Variants in SNTG1 observed in about 807,000 individuals in gnomAD.
The protein encoded by SNTG1 is syntrophin gamma 1, also known as gamma-1-syntrophin.
In SNTG1, 39 loss-of-function variants were observed where a neutral mutation model predicts 74.7. The ratio of observed to expected loss-of-function variants is 0.52; its 90% CI spans 0.40 to 0.68. The LOEUF (loss-of-function observed/expected upper bound fraction) is 0.68, where lower values mean the gene tolerates loss of function less well. Ranked by LOEUF, SNTG1 falls within the 30% of genes least tolerant of loss-of-function variation. SNTG1 has a pLI of 0.00. For missense variants in SNTG1, 685 were observed against 609.5 expected (o/e 1.12, Z -1.30); for synonymous variants, 254 against 217.1 (o/e 1.17, Z -1.49).
rs1372330048 is a variant in SNTG1 at position 50,125,410 on chromosome 8, C to T, written c.-102-47151C>T. 1.4e-5 allele frequency among the ~76,000 whole-genome samples: 2 copies of T among 141,934 alleles called. 1 individual carries two copies. The highest frequency in any genetic ancestry group is 3.1e-5 in the Non-Finnish European group (2 of 63,666). 93.1% of individuals were successfully genotyped at this position (141,934 alleles called of 152,430 possible). ...AATTGAAGAAGATGGTTAATTTTGT[C>T]CAATACCATTTTTGTTTGTTTCTTT... is the stretch of plus-strand genomic sequence containing the variant. On this transcript the variant is annotated intron_variant, in intron 1 of 18. Transcript: ENST00000642720.
At chr8:50,695,494 A>ATTTG (rs1356971917) in intron 15 of SNTG1, among the ~76,000 whole-genome samples, 1 of 151,262 alleles carries the variant, frequency 6.6e-6, no homozygotes, top group Non-Finnish European at 1.5e-5. Flanking sequence ...TTTCTTATTT[A>ATTTG]TTTATTTATT....
chr8:50,254,533 T>C (rs975068939), intron 2 of SNTG1, among the ~76,000 whole-genome samples: 4 of 152,122 alleles, frequency 2.6e-5, no homozygotes, highest in African/African-American at 7.2e-5. Context: ...GACTAAAAGA[T>C]ACTGAGTGAG....
intron 2 of SNTG1, among the ~76,000 whole-genome samples, chr8:50,265,234 C>A (rs1173365693): frequency 1.3e-5 from 2 of 151,926 alleles, no homozygotes; most frequent in African/African-American, 4.8e-5. Context: ...ATTTGCAAAA[C>A]AGCACCAGAA....
intron 1 of SNTG1, among the ~76,000 whole-genome samples, chr8:50,026,378 A>G (rs1475315258): frequency 6.6e-6 from 1 of 152,188 alleles, no homozygotes; most frequent in East Asian, 1.9e-4. Flanking sequence ...ACAAGAGCCT[A>G]ATGTATTTTT....
intron 12 of SNTG1, among the ~76,000 whole-genome samples, chr8:50,577,729 T>C (rs1329463433): frequency 6.6e-6 from 1 of 152,242 alleles, no homozygotes; most frequent in African/African-American, 2.4e-5. Context: ...CAGGAAAATA[T>C]ACTAACTTGA....
chr8:50,554,598 A>T (rs190921429), intron 12 of SNTG1, among the ~76,000 whole-genome samples: 7 of 150,840 alleles, frequency 4.6e-5, no homozygotes, highest in South Asian at 2.1e-4. Flanking sequence ...GTGAGCTCTC[A>T]CTCCCAACCC....
At chr8:50,548,228 T>A (rs968775725) in intron 11 of SNTG1, among the ~76,000 whole-genome samples, 14 of 152,148 alleles carry the variant, frequency 9.2e-5, no homozygotes, top group African/African-American at 3.4e-4. Context: ...GAGGTCACAG[T>A]GACAGGAAAT....
chr8:50,101,083 C>A (rs1034051074), intron 1 of SNTG1, among the ~76,000 whole-genome samples: 3 of 152,110 alleles, frequency 2.0e-5, no homozygotes, highest in African/African-American at 7.2e-5. Context: ...CCTCCAGTTC[C>A]ATCTATGTTG....
intron 12 of SNTG1, among the ~76,000 whole-genome samples, chr8:50,586,267 T>G (rs1018326559): frequency 1.3e-5 from 2 of 152,210 alleles, no homozygotes; most frequent in African/African-American, 4.8e-5. Flanking sequence ...TCCTGTCAAT[T>G]TTTCCAACAA....
chr8:49,955,131 T>G (rs1485645146), intron 1 of SNTG1, among the ~76,000 whole-genome samples: 1 of 152,220 alleles, frequency 6.6e-6, no homozygotes, highest in East Asian at 1.9e-4. Context: ...AGTCAGAATA[T>G]TTGGCACACT....
chr8:49,959,688 G>A (rs754668496), intron 1 of SNTG1, among the ~76,000 whole-genome samples: 2 of 152,132 alleles, frequency 1.3e-5, no homozygotes, highest in Non-Finnish European at 2.9e-5. Flanking sequence ...TTGTTCATCC[G>A]TTTAGCAGTT....
At chr8:49,923,338 G>A (rs1247734469) in intron 1 of SNTG1, among the ~76,000 whole-genome samples, 1 of 151,966 alleles carries the variant, frequency 6.6e-6, no homozygotes, top group Non-Finnish European at 1.5e-5. Context: ...GGGAAAATAT[G>A]GATAAAATAG....
intron 4 of SNTG1, among the ~76,000 whole-genome samples, chr8:50,409,580 A>T (rs1311062031): frequency 6.6e-5 from 10 of 152,294 alleles, no homozygotes; most frequent in East Asian, 5.8e-4. Context: ...TTCAGTTAAC[A>T]TACAAGAAAG....
intron 13 of SNTG1, among the ~76,000 whole-genome samples, chr8:50,596,818 G>A (rs1585796830): frequency 6.6e-6 from 1 of 151,870 alleles, no homozygotes; most frequent in Non-Finnish European, 1.5e-5. Context: ...CATGTTTGGG[G>A]GACAGTGTAA....
upstream of SNTG1, among the ~76,000 whole-genome samples, chr8:49,910,214 G>A (rs1182772885): frequency 6.6e-6 from 1 of 152,154 alleles, no homozygotes; most frequent in African/African-American, 2.4e-5. Flanking sequence ...AGAAGTCGCC[G>A]GGGAAGGGAG....
At chr8:50,065,557 G>T (rs1423155129) in intron 1 of SNTG1, among the ~76,000 whole-genome samples, 1 of 151,866 alleles carries the variant, frequency 6.6e-6, no homozygotes, top group African/African-American at 2.4e-5. Context: ...ATTATATTTT[G>T]CTTTTATTGC....
In SNTG1 at chr8:49,960,213, G is replaced by A. The variant is rs145255568; in HGVS notation, c.-103+47982G>A. On this transcript the variant is annotated intron_variant, in intron 1 of 18. Transcript: ENST00000642720. ...TATTTGATGCTTCATAAGAATGTGT[G>A]TGTATGCAGTGATTTGTTTTCTTGA... is the stretch of plus-strand genomic sequence containing the variant. Among the ~76,000 whole-genome samples, 301 of 152,292 alleles carry A rather than the reference G, an allele frequency of 2.0e-3. 1 individual carries two copies. The highest frequency in any genetic ancestry group is 7.0e-3 in the African/African-American group (290 of 41,576).
intron 2 of SNTG1, among the ~76,000 whole-genome samples, chr8:50,322,645 C>T (rs1408916269): frequency 1.3e-5 from 2 of 152,096 alleles, no homozygotes; most frequent in Admixed American, 6.5e-5. Context: ...CTTTCTACTC[C>T]CTCCTTAATG....
At position 50,084,665 on chromosome 8, in the gene SNTG1, G is replaced by T. The variant is rs113403083; in HGVS notation, c.-102-87896G>T. Among the ~76,000 whole-genome samples, 11 of 152,222 alleles carry T rather than the reference G, an allele frequency of 7.2e-5. 1 individual carries two copies. The highest frequency in any genetic ancestry group is 2.4e-4 in the African/African-American group (10 of 41,530). On this transcript the variant is annotated intron_variant, in intron 1 of 18. Coordinates refer to ENST00000642720, the MANE Select transcript of SNTG1 (RefSeq NM_018967.5). ...ATTGCAATATGTTACATGTGCTATGGCTTAAATGTCTCTGAAAAAACTCAT... is the reference window on the plus strand; with the variant it reads ...ATTGCAATATGTTACATGTGCTATGTCTTAAATGTCTCTGAAAAAACTCAT...
Sources: allele counts gnomAD v4.1 joint callset (sites outside exome capture counted in the v4.1 genomes callset), GRCh38; gene constraint gnomAD v4.1.1; transcripts MANE v1.5; gene names NCBI Gene and HGNC (gene_info 2026-07-23, HGNC 2026-07-21).